The following OR2C1 variants were observed in gnomAD, a reference collection of about 807,000 sequenced individuals.
OR2C1 encodes the protein olfactory receptor family 2 subfamily C member 1, also known as olfactory receptor 2C1.
For synonymous variants in OR2C1, 209 were observed against 167.3 expected, an observed-to-expected ratio of 1.25 and a Z score of -1.92; for missense variants, 468 against 388.3, an observed-to-expected ratio of 1.21 and a Z score of -1.73.
chr16:3,327,025 C>T, the OR2C1 span, among the ~76,000 whole-genome samples: 77 of 151,774 alleles, frequency 5.1e-4, no homozygotes, highest in African/African-American at 1.3e-3. Context: ...TCATTGTAAC[C>T]GAAATAATTC....
At chr16:3,342,177 G>A in the OR2C1 span, among the ~76,000 whole-genome samples, 1 of 152,114 alleles carries the variant, frequency 6.6e-6, no homozygotes, top group African/African-American at 2.4e-5. Context: ...CTTGAACTCA[G>A]GGGGCAGAAG....
the OR2C1 span, among the ~76,000 whole-genome samples, chr16:3,344,301 G>A: frequency 6.6e-6 from 1 of 152,078 alleles, no homozygotes; most frequent in Non-Finnish European, 1.5e-5. Context: ...CAGAGGATAT[G>A]AATGGGCAAT....
chr16:3,323,067 T>G, the OR2C1 span: 2 of 563,604 alleles, frequency 3.5e-6, no homozygotes, highest in Non-Finnish European at 2.6e-6. Flanking sequence ...TCCTTTCCAG[T>G]TTTTGAAGAT....
At chr16:3,345,673 T>C in the OR2C1 span, among the ~76,000 whole-genome samples, 1 of 151,248 alleles carries the variant, frequency 6.6e-6, no homozygotes, top group South Asian at 2.1e-4. Flanking sequence ...TATGAGGGAG[T>C]AGAGAGAAAT....
At chr16:3,334,605 G>T in the OR2C1 span, among the ~76,000 whole-genome samples, 2 of 150,454 alleles carry the variant, frequency 1.3e-5, no homozygotes, top group Non-Finnish European at 3.0e-5. Flanking sequence ...AAAGTACAGG[G>T]ATTACAGGCA....
At chr16:3,340,077 G>T in the OR2C1 span, among the ~76,000 whole-genome samples, 2 of 151,978 alleles carry the variant, frequency 1.3e-5, no homozygotes, top group African/African-American at 4.8e-5. Context: ...TCAGGAGTTC[G>T]AGACCAACCT....
chr16:3,353,987 T>C (rs865932417), upstream of OR2C1, among the ~76,000 whole-genome samples: 28 of 113,784 alleles, frequency 2.5e-4, no homozygotes, highest in Admixed American at 3.3e-4. Flanking sequence ...TCTTTTCTTT[T>C]TTTTTTTTTT....
the OR2C1 span, among the ~76,000 whole-genome samples, chr16:3,334,748 G>C: frequency 6.6e-6 from 1 of 151,724 alleles, no homozygotes; most frequent in South Asian, 2.1e-4. Flanking sequence ...TTTTATGCCA[G>C]TACCATGCTG....
chr16:3,355,842 T>C, upstream of OR2C1: 1 of 829,422 alleles, frequency 1.2e-6, no homozygotes, highest in Non-Finnish European at 1.9e-6. Context: ...TATTAGACCG[T>C]TCCTGATGCA....
At chr16:3,349,901 CA>C in the OR2C1 span, among the ~76,000 whole-genome samples, 240 of 146,500 alleles carry the variant, frequency 1.6e-3, 3 homozygotes, top group Middle Eastern at 3.4e-3. Flanking sequence ...GATTCCGTCT[CA>C]AAAAAAAAAT....
Position 3,356,906 on chromosome 16 carries a change from G to A in OR2C1, c.*27G>A, listed in dbSNP as rs778108143. 6.0e-6 allele frequency: 9 copies of A among 1,492,844 alleles called. No individual in the cohort carries two copies. The highest frequency in any genetic ancestry group is 4.8e-5 in the East Asian group (2 of 41,718). 92.5% of individuals were successfully genotyped at this position (1,492,844 alleles called of 1,614,324 possible). A position where few individuals can be genotyped will look rare whatever the true frequency, so the allele number is the denominator to read the frequency against. On this transcript the variant is annotated 3_prime_UTR_variant, in exon 1 of 1. Coordinates refer to ENST00000304936, the MANE Select transcript of OR2C1 (RefSeq NM_012368.3). ...AGAACACTCCTTCGTTATTTATTGC[G>A]TCTTCATCTCTACATGCGTTTCTCA...
chr16:3,344,731 AAAAAAATTTTTTTTGATTATACT>A, the OR2C1 span, among the ~76,000 whole-genome samples: 887 of 152,228 alleles, frequency 5.8e-3, 11 homozygotes, highest in African/African-American at 0.02. Context: ...CTGTCTCAAA[AAAAAAATTTTTTTTGATTATACT>A]AAGTGTTGGG....
rs1322194866 is a variant in OR2C1 at position 3,356,194 on chromosome 16, T to C, written c.254T>C (p.Leu85Ser). 6.2e-7 allele frequency: 1 copy of C among 1,614,086 alleles called. No individual in the cohort carries two copies. Among genetic ancestry groups the C allele is most frequent in the East Asian group, 2.2e-5 (1 of 44,894 alleles). Reference sequence around the variant, plus strand: ...TCAGTCCCCCAAATGCTGATCAATTTATGGGGACCAGGCAAGACCATCAGC... The same window carrying C: ...TCAGTCCCCCAAATGCTGATCAATTCATGGGGACCAGGCAAGACCATCAGC... ...TSSVPQMLIN[L>S]WGPGKTISYG... Residue 85 changes from leucine (L) to serine (S), a missense_variant, in exon 1 of 1, where the codon TTA (leucine) becomes TCA (serine). By Grantham distance (145) the Leu-to-Ser change is moderately radical. Transcript: ENST00000304936.
At chr16:3,352,057 G>C (rs2030581056), upstream of OR2C1, among the ~76,000 whole-genome samples, 1 of 152,094 alleles carries the variant, frequency 6.6e-6, no homozygotes, top group African/African-American at 2.4e-5. Flanking sequence ...AGAAGTTAAA[G>C]TCCCTTCCGA....
At chr16:3,353,444 TCCCGCCAC>T (rs2030605681), upstream of OR2C1, among the ~76,000 whole-genome samples, 2 of 122,536 alleles carry the variant, frequency 1.6e-5, no homozygotes, top group African/African-American at 6.4e-5. Flanking sequence ...TGAGCCGAGA[TCCCGCCAC>T]TGCACTCCAG....
the OR2C1 span, among the ~76,000 whole-genome samples, chr16:3,341,572 A>G: frequency 6.6e-6 from 1 of 152,208 alleles, no homozygotes; most frequent in African/African-American, 2.4e-5. Context: ...GAAGATTTTC[A>G]CAACCCCCTC....
the OR2C1 span, among the ~76,000 whole-genome samples, chr16:3,343,086 A>T: frequency 1.3e-5 from 2 of 152,312 alleles, no homozygotes; most frequent in African/African-American, 4.8e-5. Flanking sequence ...GGCAGGAGGT[A>T]GGTGGGTGTG....
upstream of OR2C1, among the ~76,000 whole-genome samples, chr16:3,354,967 A>G (rs2030636687): frequency 6.6e-6 from 1 of 152,074 alleles, no homozygotes; most frequent in African/African-American, 2.4e-5. Flanking sequence ...GAGAACTTTC[A>G]CATCTAATTC....
the OR2C1 span, among the ~76,000 whole-genome samples, chr16:3,334,509 C>G: frequency 6.8e-6 from 1 of 147,710 alleles, no homozygotes; most frequent in Non-Finnish European, 1.5e-5. Context: ...AACTCCTGGA[C>G]TCAAGCAATC....
Sources: allele counts gnomAD v4.1 joint callset (sites outside exome capture counted in the v4.1 genomes callset), GRCh38; gene constraint gnomAD v4.1.1; transcripts MANE v1.5; gene names NCBI Gene and HGNC (gene_info 2026-07-23, HGNC 2026-07-21).